BARD1: variants seen among roughly 807,000 people sequenced by gnomAD.
The protein encoded by BARD1 is BRCA1 associated RING domain 1.
In BARD1, 73 loss-of-function variants were observed where a neutral mutation model predicts 77.0. The observed-to-expected ratio is 0.95, with a 90% confidence interval of 0.79 to 1.15. BARD1 has a LOEUF of 1.15. Among genes scored for constraint, BARD1 ranks in the 50% most tolerant of loss-of-function variants. The pLI is 0.00. For synonymous variants in BARD1, 384 were observed against 338.0 expected (o/e 1.14, Z -1.49); for missense variants, 993 against 938.8 (o/e 1.06, Z -0.75).
At chr2:214,755,407 T>C (rs1693648740) in intron 6 of BARD1, among the ~76,000 whole-genome samples, 1 of 152,172 alleles carries the variant, frequency 6.6e-6, no homozygotes, top group Non-Finnish European at 1.5e-5. Context: ...TCTAGCATGA[T>C]TTAACCTAAA....
chr2:214,735,279 C>T (rs992116280), intron 9 of BARD1, among the ~76,000 whole-genome samples: 3 of 151,980 alleles, frequency 2.0e-5, no homozygotes, highest in African/African-American at 7.2e-5. Context: ...AACAAAAACA[C>T]AAAAATGCAA....
intron 9 of BARD1, among the ~76,000 whole-genome samples, chr2:214,736,983 A>G (rs1383705440): frequency 6.6e-6 from 1 of 152,140 alleles, no homozygotes; most frequent in East Asian, 1.9e-4. Context: ...TCTTTTCCTG[A>G]AAAGAAAGGA....
chr2:214,776,839 T>C (rs979759500), intron 4 of BARD1, among the ~76,000 whole-genome samples: 4 of 152,144 alleles, frequency 2.6e-5, no homozygotes, highest in African/African-American at 9.7e-5. Context: ...TATGAATTCT[T>C]AAAAGCAGAG....
At chr2:214,763,800 G>A (rs1694069770) in intron 6 of BARD1, among the ~76,000 whole-genome samples, 1 of 152,186 alleles carries the variant, frequency 6.6e-6, no homozygotes, top group African/African-American at 2.4e-5. Flanking sequence ...GCTTCAGGAA[G>A]AAATAGAAGA....
At chr2:214,803,812 G>A (rs529038697) in intron 1 of BARD1, among the ~76,000 whole-genome samples, 1 of 152,190 alleles carries the variant, frequency 6.6e-6, no homozygotes, top group East Asian at 1.9e-4. Flanking sequence ...TCCACCTTAC[G>A]AGAAACACCC....
At chr2:214,732,300 T>C (rs1445066149) in intron 9 of BARD1, among the ~76,000 whole-genome samples, 2 of 152,206 alleles carry the variant, frequency 1.3e-5, no homozygotes, top group Non-Finnish European at 2.9e-5. Flanking sequence ...CAACAGTTAA[T>C]CTGCTACCCA....
Position 214,809,479 on chromosome 2 carries a change from G to T in BARD1, c.91C>A (p.Arg31Ser). Residue 31 changes from arginine (R) to serine (S), a missense_variant, in exon 1 of 11, where the codon CGC (arginine) becomes AGC (serine). Physicochemically the swap from Arg to Ser is moderately radical, Grantham distance 110 (BLOSUM62 -1). Transcript: ENST00000260947. ...RSAPAMEPDG[R>S]GAWAHSRAAL... ...GCGCGACTGTGGGCCCAGGCACCGC[G>T]ACCATCCGGTTCCATGGCGGGCGCG... is the stretch of plus-strand genomic sequence containing the variant. The T allele has an allele frequency of 1.2e-6, 2 of 1,609,798 alleles. No homozygotes were observed.
intron 7 of BARD1, among the ~76,000 whole-genome samples, chr2:214,751,151 A>AT (rs60746999): frequency 2.2e-4 from 8 of 37,198 alleles, no homozygotes; most frequent in African/African-American, 7.3e-4. Flanking sequence ...ATATATATAT[A>AT]TTTTTTTTTT....
chr2:214,778,755 AAAC>A (rs1694845272), intron 4 of BARD1, among the ~76,000 whole-genome samples: 1 of 152,172 alleles, frequency 6.6e-6, no homozygotes, highest in African/African-American at 2.4e-5. Context: ...GCAAAGCTGA[AAAC>A]ATTTACTCTA....
intron 1 of BARD1, among the ~76,000 whole-genome samples, chr2:214,799,568 T>G (rs770644954): frequency 6.6e-6 from 1 of 152,136 alleles, no homozygotes; most frequent in Non-Finnish European, 1.5e-5. Context: ...TCGATCTCCT[T>G]TAGTCACTCT....
intron 2 of BARD1, among the ~76,000 whole-genome samples, chr2:214,795,375 A>C (rs1695712837): frequency 6.6e-6 from 1 of 152,198 alleles, no homozygotes. Context: ...AGCCAGAGGT[A>C]AATGACGTCC....
chr2:214,788,186 AT>A (rs3835755), intron 3 of BARD1, among the ~76,000 whole-genome samples: 5,684 of 149,930 alleles, frequency 0.038, 235 homozygotes, highest in African/African-American at 0.11. Context: ...TAATCAAAGT[AT>A]TTTTTTTTTA....
chr2:214,759,449 C>A (rs990661191), intron 6 of BARD1, among the ~76,000 whole-genome samples: 2 of 151,958 alleles, frequency 1.3e-5, no homozygotes, highest in African/African-American at 2.4e-5. Flanking sequence ...ATAAATACTC[C>A]CAGACAACAA....
chr2:214,788,465 C>T (rs933333026), intron 3 of BARD1, among the ~76,000 whole-genome samples: 9 of 151,996 alleles, frequency 5.9e-5, no homozygotes, highest in Non-Finnish European at 1.2e-4. Context: ...AATTAGGCTT[C>T]TTTATCTCCA....
chr2:214,730,550 G>T, intron 9 of BARD1, 42 bp from the exon 10 acceptor site: 1 of 1,471,862 alleles, frequency 6.8e-7, no homozygotes, highest in South Asian at 1.1e-5. Context: ...AGTATCAAGT[G>T]AGCACTATAT....
intron 6 of BARD1, among the ~76,000 whole-genome samples, chr2:214,762,635 C>A (rs1472966222): frequency 6.6e-6 from 1 of 152,086 alleles, no homozygotes; most frequent in Non-Finnish European, 1.5e-5. Flanking sequence ...AAAAACCTAG[C>A]AAACTGATGT....
chr2:214,740,774 C>A (rs75281881), intron 9 of BARD1, among the ~76,000 whole-genome samples: 3 of 151,832 alleles, frequency 2.0e-5, no homozygotes, highest in African/African-American at 7.3e-5. Flanking sequence ...GTATTTCTTG[C>A]GTAGGGTAAA....
At chr2:214,766,816 T>C (rs867265180) in intron 6 of BARD1, among the ~76,000 whole-genome samples, 23 of 152,270 alleles carry the variant, frequency 1.5e-4, no homozygotes, top group African/African-American at 2.9e-4. Context: ...TTATTTTTTT[T>C]CCCCTTTTTA....
At position 214,777,928 on chromosome 2, in the gene BARD1, G is replaced by A. The variant is rs992278003; in HGVS notation, c.1314+2632C>T. ...TTTCTAAAAAGATTGGCCAGGTATG[G>A]TGGCTCATGCCTGTAATCCCAAGAC... On this transcript the variant is annotated intron_variant, in intron 4 of 10. Transcript: ENST00000260947. 1.2e-4 allele frequency among the ~76,000 whole-genome samples: 19 copies of A among 152,322 alleles called. No individual in the cohort carries two copies. In the South Asian group the frequency reaches 2.3e-3, roughly 18 times the overall value.
Sources: gnomAD v4.1 joint callset for allele counts (sites outside exome capture counted in the v4.1 genomes callset) on GRCh38, gnomAD v4.1.1 for gene constraint, MANE v1.5 for transcripts, NCBI Gene and HGNC (gene_info 2026-07-23, HGNC 2026-07-21) for gene names.